The following MALRD1 variants were observed in gnomAD, a reference collection of about 807,000 sequenced individuals.
The protein encoded by MALRD1 is MAM and LDL receptor class A domain containing 1.
Under a neutral mutation model 242.1 loss-of-function variants are expected in MALRD1, and 247 were observed. The ratio of observed to expected loss-of-function variants is 1.02; its 90% CI spans 0.92 to 1.13. The LOEUF is 1.13. Among genes scored for constraint, MALRD1 ranks in the 50% most tolerant of loss-of-function variants. The probability of loss-of-function intolerance (pLI) is 0.00; values close to 1 mark genes in which losing one functional copy is unlikely to be tolerated. For missense variants in MALRD1, 2,989 were observed against 2,533.1 expected, an observed-to-expected ratio of 1.18 and a Z score of -3.86; for synonymous variants, 995 against 866.6, an observed-to-expected ratio of 1.15 and a Z score of -2.60.
intron 23 of MALRD1, among the ~76,000 whole-genome samples, chr10:19,328,089 T>C (rs756280840): frequency 1.1e-4 from 16 of 152,136 alleles, no homozygotes; most frequent in Non-Finnish European, 1.0e-4. Flanking sequence ...ATTCACCTAA[T>C]TTAAAAATAT....
At chr10:19,397,800 A>T (rs757722682) in intron 28 of MALRD1, among the ~76,000 whole-genome samples, 1 of 151,790 alleles carries the variant, frequency 6.6e-6, no homozygotes, top group South Asian at 2.1e-4. Flanking sequence ...TAGTTCCACA[A>T]CGTTGCTAAC....
Position 19,595,229 on chromosome 10 carries a change from G to C in MALRD1, c.5716G>C (p.Asp1906His). Residue 1906 changes from aspartate (D) to histidine (H), a missense_variant, in exon 34 of 40, where the codon GAT becomes CAT. Asp to His is a moderately conservative substitution (Grantham distance 81). Coordinates refer to ENST00000454679, the MANE Select transcript of MALRD1 (RefSeq NM_001142308.3). ...AGTGCAGCCATCACCCTGTGAAGCT[G>C]ATCAGTTTTCTTGTATCTACACACT... ...VPVQPSPCEA[D>H]QFSCIYTLQC... 3 of 1,550,314 alleles carry C rather than the reference G, an allele frequency of 1.9e-6. No individual in the cohort carries two copies. Among genetic ancestry groups the C allele is most frequent in the South Asian group, 1.2e-5 (1 of 84,036 alleles).
chr10:19,636,485 TG>T (rs1470268583), intron 36 of MALRD1, among the ~76,000 whole-genome samples: 1 of 151,958 alleles, frequency 6.6e-6, no homozygotes, highest in Non-Finnish European at 1.5e-5. Context: ...TGAATAAAAG[TG>T]GATTAAAAAA....
chr10:19,488,991 C>A, intron 29 of MALRD1: 1 of 448,720 alleles, frequency 2.2e-6, no homozygotes, highest in South Asian at 1.6e-5. Flanking sequence ...GCTCCCAATC[C>A]GGTTCTATCC....
intron 14 of MALRD1, among the ~76,000 whole-genome samples, chr10:19,193,841 A>ATAT (rs369844526): frequency 2.9e-4 from 44 of 149,744 alleles, no homozygotes; most frequent in South Asian, 1.0e-3. Context: ...GGGGAAAAAA[A>ATAT]ATATATATAT....
chr10:19,153,118 A>G (rs999651233), intron 11 of MALRD1, among the ~76,000 whole-genome samples: 5 of 152,182 alleles, frequency 3.3e-5, no homozygotes, highest in Non-Finnish European at 1.5e-5. Flanking sequence ...TTGTTGTTGT[A>G]ACTGAATATG....
chr10:19,273,658 A>G (rs1165001446), intron 19 of MALRD1, among the ~76,000 whole-genome samples: 4 of 152,206 alleles, frequency 2.6e-5, no homozygotes, highest in African/African-American at 9.6e-5. Context: ...TTCTGACAAT[A>G]TGACGTTCTG....
At chr10:19,345,083 G>A (rs1844051845) in intron 24 of MALRD1, among the ~76,000 whole-genome samples, 1 of 151,980 alleles carries the variant, frequency 6.6e-6, no homozygotes, top group African/African-American at 2.4e-5. Flanking sequence ...ATTATAAGTT[G>A]TTCCCCCTCA....
At chr10:19,537,905 A>G (rs1402066742) in intron 32 of MALRD1, among the ~76,000 whole-genome samples, 1 of 152,190 alleles carries the variant, frequency 6.6e-6, no homozygotes, top group African/African-American at 2.4e-5. Flanking sequence ...AAAAGTGAAG[A>G]TGATTTCAGA....
At chr10:19,395,870 T>C (rs1846554784) in intron 28 of MALRD1, among the ~76,000 whole-genome samples, 1 of 152,180 alleles carries the variant, frequency 6.6e-6, no homozygotes, top group African/African-American at 2.4e-5. Context: ...TATTTCCAAG[T>C]AGGAGTCCTA....
intron 29 of MALRD1, among the ~76,000 whole-genome samples, chr10:19,480,950 A>C (rs1836969537): frequency 6.6e-6 from 1 of 152,202 alleles, no homozygotes; most frequent in East Asian, 1.9e-4. Context: ...ATTTTAAAAA[A>C]CTGAATATTT....
At chr10:19,376,223 G>T (rs1845586898) in intron 26 of MALRD1, among the ~76,000 whole-genome samples, 1 of 152,206 alleles carries the variant, frequency 6.6e-6, no homozygotes, top group Non-Finnish European at 1.5e-5. Flanking sequence ...CTTGCCCTCA[G>T]CGTCTTCAAA....
At chr10:19,327,778 G>A (rs960728281) in intron 23 of MALRD1, 105 bp downstream of exon 23, 1 of 925,918 alleles carries the variant, frequency 1.1e-6, no homozygotes, top group Admixed American at 2.1e-5. Flanking sequence ...TTCCCTTTTT[G>A]ATGTGTTCTG....
chr10:19,616,052 C>G, intron 36 of MALRD1, 129 bp downstream of exon 36: 1 of 598,750 alleles, frequency 1.7e-6, no homozygotes, highest in Non-Finnish European at 2.8e-6. Context: ...GATAATGGTA[C>G]TATTTACATT....
chr10:19,670,712 T>A (rs1182199602), intron 36 of MALRD1, among the ~76,000 whole-genome samples: 1 of 152,182 alleles, frequency 6.6e-6, no homozygotes, highest in East Asian at 1.9e-4. Context: ...TATCTTTGCA[T>A]ATTGTCTTTC....
intron 24 of MALRD1, among the ~76,000 whole-genome samples, chr10:19,334,229 C>G (rs1268553197): frequency 7.2e-6 from 1 of 138,872 alleles, no homozygotes; most frequent in Non-Finnish European, 1.5e-5. Context: ...GTCATAAATT[C>G]CTTGCCAAGG....
At chr10:19,609,645 C>T (rs971637742) in intron 35 of MALRD1, among the ~76,000 whole-genome samples, 1 of 152,048 alleles carries the variant, frequency 6.6e-6, no homozygotes, top group Non-Finnish European at 1.5e-5. Context: ...ATAGATGTTG[C>T]AGGCTACATA....
intron 25 of MALRD1, 26 bp downstream of exon 25, chr10:19,348,044 C>A (rs772229539): frequency 3.9e-6 from 6 of 1,542,914 alleles, no homozygotes; most frequent in African/African-American, 1.4e-5. Flanking sequence ...AACCAACCAA[C>A]CAAACAAACA....
rs756138671 is a variant in MALRD1, at chr10:19,209,649, A to C, written c.2960A>C (p.His987Pro). ...CAAGGCAACAGATGGATTAGGAAAC[A>C]CCTCAACATTTCCAGCAGGCAGCCC... ...GNQGNRWIRK[H>P]LNISSRQPFQ... The change falls in exon 18 of 40, where the codon CAC (histidine) becomes CCC (proline). Residue 987 changes from histidine to proline, a missense_variant. Transcript: ENST00000454679. The C allele has an allele frequency of 6.5e-7, 1 of 1,549,892 alleles. No individual in the cohort carries two copies. The highest frequency in any genetic ancestry group is 1.2e-5 in the South Asian group (1 of 83,936).
Sources: gnomAD v4.1 joint callset for allele counts (sites outside exome capture counted in the v4.1 genomes callset) on GRCh38, gnomAD v4.1.1 for gene constraint, MANE v1.5 for transcripts, NCBI Gene and HGNC (gene_info 2026-07-23, HGNC 2026-07-21) for gene names.